The following STAB1 variants were observed in gnomAD, a reference collection of about 807,000 sequenced individuals.
The protein encoded by STAB1 is stabilin 1, also known as stabilin-1.
Under a neutral mutation model 332.4 loss-of-function variants are expected in STAB1, and 250 were observed. The observed-to-expected ratio is 0.75, with a 90% CI of 0.68 to 0.84. The LOEUF is 0.84. STAB1 is among the 40% of genes least tolerant of loss of function. The probability of loss-of-function intolerance (pLI) is 0.00; values close to 1 mark genes in which losing one functional copy is unlikely to be tolerated. For missense variants in STAB1, 3,249 were observed against 3,489.7 expected (o/e 0.93, Z 1.74); for synonymous variants, 1,475 against 1,390.4 (o/e 1.06, Z -1.35).
At position 52,506,733 on chromosome 3, in the gene STAB1, G is replaced by A. The variant is rs1708900325; in HGVS notation, c.1872G>A (p.Arg624=). 2 of 1,612,378 alleles carry A rather than the reference G, an allele frequency of 1.2e-6. No homozygotes were observed. The highest frequency in any genetic ancestry group is 1.3e-5 in the African/African-American group (1 of 74,928). The part of the protein sequence containing the change: ...LLGPEGVPLQ[R]VDVMAANGVI... ...GACCCGAGGGGGTCCCGCTGCAGAG[G>A]GTAGACGTGATGGCCGCCAATGGTG... The change falls in exon 18 of 69, where the codon AGG becomes AGA. Residue 624 remains arginine (R), a synonymous_variant. Coordinates refer to ENST00000321725, the MANE Select transcript of STAB1 (RefSeq NM_015136.3).
intron 50 of STAB1, 68 bp downstream of exon 50, chr3:52,519,632 G>C (rs1340197358): frequency 6.3e-7 from 1 of 1,595,462 alleles, no homozygotes; most frequent in African/African-American, 1.3e-5. Context: ...AAGTGTGTAT[G>C]CGTACCTGTG....
At chr3:52,523,201 T>G in intron 63 of STAB1, 21 bp from the exon 64 acceptor site, 1 of 1,612,878 alleles carries the variant, frequency 6.2e-7, no homozygotes, top group Non-Finnish European at 8.5e-7. Context: ...TGCTCATAGT[T>G]CTGTCTTTCC....
chr3:52,501,566 C>T (rs1446071876), intron 2 of STAB1, 72 bp from the exon 3 acceptor site: 1 of 1,399,778 alleles, frequency 7.1e-7, no homozygotes, highest in Non-Finnish European at 9.8e-7. Context: ...CCCCGGAAGC[C>T]AATGTGGGGA....
Position 52,495,523 on chromosome 3 carries a change from C to T in STAB1, c.78+32C>T, listed in dbSNP as rs374849323. ...GTGAGCCAGTCGCAGGGGCACACGGCGTCTGGGCCCTGCCGGCCAGCGGTG... is the reference window on the plus strand; with the variant it reads ...GTGAGCCAGTCGCAGGGGCACACGGTGTCTGGGCCCTGCCGGCCAGCGGTG... On this transcript the variant is annotated intron_variant, in intron 1 of 68. Transcript: ENST00000321725. 78 of 1,301,038 alleles carry T rather than the reference C, an allele frequency of 6.0e-5. No individual in the cohort carries two copies. In the Middle Eastern group the frequency reaches 1.6e-3, roughly 27 times the overall value. The allele number at this position is 1,301,038 out of a possible 1,614,324, so 80.6% of individuals were successfully genotyped here. A position where few individuals can be genotyped will look rare whatever the true frequency, so the allele number is the denominator to read the frequency against.
intron 22 of STAB1, 62 bp downstream of exon 22, chr3:52,509,383 TG>T: frequency 6.9e-7 from 1 of 1,457,148 alleles, no homozygotes. Flanking sequence ...AAGATGGGTC[TG>T]GGGGCTCTCA....
chr3:52,516,258 G>A lies in STAB1; in HGVS notation c.4144+20G>A, dbSNP rs181771589. ...CCGGAGGTGAGGACTGGGGAGGGGC[G>A]GGGGTGGGCCTCCTGGCAGCAGAGA... On this transcript the variant is annotated intron_variant, in intron 38 of 68. Transcript: ENST00000321725. The A allele has an allele frequency of 1.7e-4, 280 of 1,607,062 alleles. No homozygotes were observed. The African/African-American group carries it at 3.1e-3, about 18-fold the overall frequency.
Position 52,508,362 on chromosome 3 carries a change from G to T in STAB1, c.2235+3G>T. 6.2e-7 allele frequency: 1 copy of T among 1,613,570 alleles called. No individual in the cohort carries two copies. On this transcript the variant is annotated splice_donor_region_variant and intron_variant, in intron 21 of 68. Transcript: ENST00000321725. ...ACCCCTGCTATGGCAAAGGCAATGT[G>T]AGTCCCATCCTCTCCTGGGGTGAGG...
rs959510609 is a variant in STAB1 at position 52,507,782 on chromosome 3, A to G, written c.2052+107A>G. ...GAAGCAGAGGCTGGGAGGCTAGATC[A>G]CACCTGGAGGCTAAGTGCTTCGCAG... On this transcript the variant is annotated intron_variant, in intron 19 of 68. Coordinates refer to ENST00000321725, the MANE Select transcript of STAB1 (RefSeq NM_015136.3). 4.0e-6 allele frequency: 6 copies of G among 1,507,978 alleles called. No individual in the cohort carries two copies. The African/African-American group carries it at 8.3e-5, about 21-fold the overall frequency. The allele number at this position is 1,507,978 out of a possible 1,614,324, so 93.4% of individuals were successfully genotyped here.
rs749960862 is a variant in STAB1 at position 52,503,055 on chromosome 3, G to T, written c.640G>T (p.Ala214Ser). 6.2e-7 allele frequency: 1 copy of T among 1,603,670 alleles called. No homozygotes were observed. The highest frequency in any genetic ancestry group is 1.1e-5 in the South Asian group (1 of 89,030). ...CCAGAACACCCAGTGCTCCGCAGAG[G>T]CTCCCAGCTGCAGGTGCCTGCCCGG... ...CPQNTQCSAE[A>S]PSCRCLPGYT... Residue 214 changes from alanine (A) to serine (S), a missense_variant, in exon 7 of 69, where the codon GCT becomes TCT. Coordinates refer to ENST00000321725, the MANE Select transcript of STAB1 (RefSeq NM_015136.3).
Position 52,516,358 on chromosome 3 carries a change from T to C in STAB1, c.4147T>C (p.Cys1383Arg). 1 of 1,607,148 alleles carries C rather than the reference T, an allele frequency of 6.2e-7. No individual in the cohort carries two copies. The highest frequency in any genetic ancestry group is 8.5e-7 in the Non-Finnish European group (1 of 1,175,574). The change falls in exon 39 of 69, where the codon TGT becomes CGT. Residue 1383 changes from cysteine to arginine, a missense_variant and splice_region_variant. Transcript: ENST00000321725. Reference sequence around the variant, plus strand: ...TATCCTCCTTTATACCACTGCAGTGTGTGACTGTGCCCATGGGCTGTGCCA... The same window carrying C: ...TATCCTCCTTTATACCACTGCAGTGCGTGACTGTGCCCATGGGCTGTGCCA... ...GRYGPNCTGV[C>R]DCAHGLCQEG...
chr3:52,520,331 C>CA, intron 52 of STAB1, 41 bp downstream of exon 52: 2 of 1,612,942 alleles, frequency 1.2e-6, no homozygotes, highest in South Asian at 2.2e-5. Flanking sequence ...GAGTAGGAGG[C>CA]AGGGGCCCTG....
intron 49 of STAB1, 25 bp downstream of exon 49, chr3:52,519,429 C>T (rs373839371): frequency 1.2e-6 from 2 of 1,611,970 alleles, no homozygotes; most frequent in African/African-American, 2.7e-5. Flanking sequence ...GGCCTGGGAG[C>T]TGGAAGACAG....
At chr3:52,495,536 C>T (rs1269174993) in intron 1 of STAB1, 45 bp downstream of exon 1, 1 of 1,279,668 alleles carries the variant, frequency 7.8e-7, no homozygotes, top group Non-Finnish European at 1.0e-6. Context: ...CTGGGCCCTG[C>T]CGGCCAGCGG....
At position 52,501,525 on chromosome 3, in the gene STAB1, G is replaced by T. The variant is rs555539371; in HGVS notation, c.216-113G>T. On this transcript the variant is annotated intron_variant, in intron 2 of 68. Coordinates refer to ENST00000321725, the MANE Select transcript of STAB1 (RefSeq NM_015136.3). ...TGTGCTAGGCCCTGTGCTCAGCTCT[G>T]GGCCAGGCAGAGCAGGGAGGTGGGT... 3.2e-3 allele frequency: 3,803 copies of T among 1,175,778 alleles called. 13 individuals are homozygous for T. The highest frequency in any genetic ancestry group is 4.0e-3 in the Non-Finnish European group (3,312 of 825,038). The allele number at this position is 1,175,778 out of a possible 1,614,324, so 72.8% of individuals were successfully genotyped here. A position where few individuals can be genotyped will look rare whatever the true frequency, so the allele number is the denominator to read the frequency against.
chr3:52,517,258 A>C, intron 42 of STAB1, 62 bp from the exon 43 acceptor site: 1 of 1,505,604 alleles, frequency 6.6e-7, no homozygotes, highest in South Asian at 1.3e-5. Flanking sequence ...ATGAAGGTAC[A>C]AAGGACAGAG....
Position 52,505,953 on chromosome 3 carries a change from T to TG in STAB1, c.1749+23dup. 1 of 1,613,074 alleles carries TG rather than the reference T, an allele frequency of 6.2e-7. No individual in the cohort carries two copies. Among genetic ancestry groups the TG allele is most frequent in the Non-Finnish European group, 8.5e-7 (1 of 1,179,956 alleles). On this transcript the variant is annotated intron_variant, in intron 16 of 68. Transcript: ENST00000321725. ...CACGGCCAGGTGCGAGGTCTTTTTC[T>TG]GGGGGGCGGCCAGCTTGTACCCGGT...
intron 5 of STAB1, 112 bp downstream of exon 5, chr3:52,502,340 C>T: frequency 8.7e-7 from 1 of 1,152,426 alleles, no homozygotes; most frequent in Admixed American, 2.0e-5. Flanking sequence ...CCCAGCCCCT[C>T]AGATTTGCAC....
At chr3:52,518,701 T>G in intron 47 of STAB1, 22 bp from the exon 48 acceptor site, 1 of 1,611,858 alleles carries the variant, frequency 6.2e-7, no homozygotes, top group Non-Finnish European at 8.5e-7. Flanking sequence ...GGGACCCCAC[T>G]CCCCTCGCGA....
rs1465230030 is a variant in STAB1 at position 52,509,992 on chromosome 3, C to T, written c.2470C>T (p.Pro824Ser). Reference sequence around the variant, plus strand: ...CAACGAGTCCATGGGGGACTGTGGGCCCACAGGGCTGGCCCAGCACTGCCA... The same window carrying T: ...CAACGAGTCCATGGGGGACTGTGGGTCCACAGGGCTGGCCCAGCACTGCCA... ...FCNESMGDCG[P>S]TGLAQHCHLH... The change falls in exon 23 of 69, where the codon CCC (proline) becomes TCC (serine). Residue 824 changes from proline to serine, a missense_variant. Coordinates refer to ENST00000321725, the MANE Select transcript of STAB1 (RefSeq NM_015136.3). 1.2e-6 allele frequency: 2 copies of T among 1,609,502 alleles called. No individual in the cohort carries two copies. The highest frequency in any genetic ancestry group is 1.7e-5 in the Admixed American group (1 of 59,804).
Sources: allele counts gnomAD v4.1 joint callset, GRCh38; gene constraint gnomAD v4.1.1; transcripts MANE v1.5; gene names NCBI Gene and HGNC (gene_info 2026-07-23, HGNC 2026-07-21).